PARD3: variants seen among roughly 807,000 people sequenced by gnomAD.
PARD3 encodes partitioning defective 3 homolog.
PARD3 carries 75 observed loss-of-function variants against 155.4 expected under a neutral mutation model. The observed-to-expected ratio is 0.48, with a 90% CI of 0.40 to 0.58. PARD3 has a LOEUF of 0.58. Among genes scored for constraint, PARD3 ranks in the 20% least tolerant of loss-of-function variants. PARD3 has a pLI of 0.00. For missense variants in PARD3, 1,642 were observed against 1,721.7 expected, an observed-to-expected ratio of 0.95 and a Z score of 0.82; for synonymous variants, 576 against 610.5, an observed-to-expected ratio of 0.94 and a Z score of 0.83.
intron 3 of PARD3, among the ~76,000 whole-genome samples, chr10:34,504,430 A>T (rs1048586265): frequency 5.1e-5 from 2 of 39,456 alleles, no homozygotes; most frequent in Admixed American, 4.6e-4. Context: ...CCCCAAGATT[A>T]AAAAAAAAAA....
chr10:34,720,805 A>AT (rs2094595211), intron 1 of PARD3, among the ~76,000 whole-genome samples: 1 of 152,128 alleles, frequency 6.6e-6, no homozygotes, highest in African/African-American at 2.4e-5. Flanking sequence ...CTCCAAAAAA[A>AT]AAAAGAATTC....
At chr10:34,586,074 G>C (rs934380751) in intron 2 of PARD3, among the ~76,000 whole-genome samples, 1 of 146,306 alleles carries the variant, frequency 6.8e-6, no homozygotes, top group Non-Finnish European at 1.5e-5. Context: ...ATATCCATGA[G>C]AAAAAAAAAA....
At chr10:34,579,596 T>TGTG (rs2087244857) in intron 2 of PARD3, among the ~76,000 whole-genome samples, 1 of 48,412 alleles carries the variant, frequency 2.1e-5, no homozygotes, top group Non-Finnish European at 4.7e-5. Context: ...GTGTGTGTGT[T>TGTG]TTGACACGGA....
chr10:34,492,330 G>A (rs1193386310), intron 3 of PARD3, among the ~76,000 whole-genome samples: 3 of 152,100 alleles, frequency 2.0e-5, no homozygotes, highest in Non-Finnish European at 4.4e-5. Context: ...AATTCACAGG[G>A]TAAACCACAC....
chr10:34,476,857 T>C (rs562441639), intron 3 of PARD3, among the ~76,000 whole-genome samples: 3 of 152,314 alleles, frequency 2.0e-5, no homozygotes, highest in South Asian at 4.1e-4. Context: ...TAGTCACAAA[T>C]GGCATGAGAT....
chr10:34,478,339 CTG>C (rs1287221090), intron 3 of PARD3, among the ~76,000 whole-genome samples: 3 of 152,136 alleles, frequency 2.0e-5, no homozygotes, highest in Admixed American at 6.6e-5. Context: ...GTAATTGACT[CTG>C]TGCAATTCAG....
At chr10:34,387,471 T>C (rs926025003) in intron 7 of PARD3, among the ~76,000 whole-genome samples, 2 of 152,140 alleles carry the variant, frequency 1.3e-5, no homozygotes, top group East Asian at 3.8e-4. Context: ...GGAGGTATAC[T>C]GGGCTCAATC....
intron 2 of PARD3, among the ~76,000 whole-genome samples, chr10:34,640,922 T>C (rs2092659437): frequency 6.6e-6 from 1 of 151,948 alleles, no homozygotes; most frequent in Admixed American, 6.6e-5. Flanking sequence ...TTAATAAACA[T>C]GTAATAATTT....
At chr10:34,204,269 G>A (rs982596815) in intron 22 of PARD3, among the ~76,000 whole-genome samples, 10 of 152,178 alleles carry the variant, frequency 6.6e-5, no homozygotes, top group Non-Finnish European at 1.2e-4. Flanking sequence ...CAGAGCAAGC[G>A]AATGACACAT....
At chr10:34,112,162 A>C (rs1946416691) in intron 24 of PARD3, among the ~76,000 whole-genome samples, 1 of 152,234 alleles carries the variant, frequency 6.6e-6, no homozygotes, top group South Asian at 2.1e-4. Flanking sequence ...GTATGTCAGC[A>C]ACTTACACTC....
intron 1 of PARD3, among the ~76,000 whole-genome samples, chr10:34,744,619 A>C (rs892572966): frequency 1.3e-5 from 2 of 152,258 alleles, no homozygotes; most frequent in African/African-American, 4.8e-5. Flanking sequence ...TTTAATGACA[A>C]ACTACAAGGA....
intron 2 of PARD3, among the ~76,000 whole-genome samples, chr10:34,608,202 T>C (rs2090612813): frequency 6.6e-6 from 1 of 152,210 alleles, no homozygotes; most frequent in South Asian, 2.1e-4. Flanking sequence ...CTGAATTCCA[T>C]GCTGGTAAAA....
intron 23 of PARD3, among the ~76,000 whole-genome samples, chr10:34,131,248 C>T (rs1405782867): frequency 6.6e-6 from 1 of 152,156 alleles, no homozygotes; most frequent in Non-Finnish European, 1.5e-5. Context: ...CTAGTGAAAC[C>T]TATTAGGCAA....
intron 6 of PARD3, among the ~76,000 whole-genome samples, chr10:34,400,148 A>C (rs1843731748): frequency 6.6e-6 from 1 of 152,224 alleles, no homozygotes; most frequent in Non-Finnish European, 1.5e-5. Context: ...GCTCGAAATT[A>C]ATTTTCTTTT....
At chr10:34,398,014 ATGC>A (rs1195398418) in intron 7 of PARD3, among the ~76,000 whole-genome samples, 1 of 152,230 alleles carries the variant, frequency 6.6e-6, no homozygotes, top group Non-Finnish European at 1.5e-5. Context: ...AGAAATTTTA[ATGC>A]TTCTCTAAAG....
chr10:34,694,522 G>A (rs558020216), intron 2 of PARD3, among the ~76,000 whole-genome samples: 16 of 141,236 alleles, frequency 1.1e-4, no homozygotes, highest in Non-Finnish European at 2.0e-4. Context: ...CCAGGTTGGA[G>A]TGCAGTGGTG....
rs199885357 is a variant in PARD3 at position 34,250,148 on chromosome 10, T to TCCCC, written c.3419+19505_3419+19508dup. On this transcript the variant is annotated intron_variant, in intron 22 of 24. Coordinates refer to ENST00000374788, the MANE Select transcript of PARD3 (RefSeq NM_001184785.2). ...TGTTTAAAGAATTAAAGAAAACTGCTCCCCCTCCACACACACACAGCTTTC... is the reference window on the plus strand; with the variant it reads ...TGTTTAAAGAATTAAAGAAAACTGCTCCCCCCCCCTCCACACACACACAGCTTTC... 1.2e-3 allele frequency among the ~76,000 whole-genome samples: 174 copies of TCCCC among 147,168 alleles called. 3 individuals carry two copies. Among genetic ancestry groups the TCCCC allele is most frequent in the African/African-American group, 4.6e-3 (171 of 37,438 alleles).
At chr10:34,301,801 A>G (rs1264757483) in intron 20 of PARD3, among the ~76,000 whole-genome samples, 1 of 127,692 alleles carries the variant, frequency 7.8e-6, no homozygotes, top group Non-Finnish European at 1.7e-5. Flanking sequence ...ATTCTTTCTT[A>G]TTGTTCTTTC....
intron 12 of PARD3, among the ~76,000 whole-genome samples, chr10:34,371,846 C>T (rs942331682): frequency 1.3e-5 from 2 of 152,056 alleles, no homozygotes; most frequent in African/African-American, 4.8e-5. Context: ...CCATATAGCG[C>T]ATCATCACAG....
Sources: gnomAD v4.1 joint callset for allele counts (sites outside exome capture counted in the v4.1 genomes callset) on GRCh38, gnomAD v4.1.1 for gene constraint, MANE v1.5 for transcripts, NCBI Gene and HGNC (gene_info 2026-07-23, HGNC 2026-07-21) for gene names.